Variants in SCUBE1 observed in about 807,000 individuals in gnomAD.
SCUBE1 encodes signal peptide, CUB and EGF-like domain-containing protein 1.
SCUBE1 carries 59 observed loss-of-function variants against 124.4 expected under a neutral mutation model. The observed-to-expected ratio is 0.47, with a 90% CI of 0.38 to 0.59. The LOEUF (loss-of-function observed/expected upper bound fraction) is 0.59, where lower values mean the gene tolerates loss of function less well. Ranked by LOEUF, SCUBE1 falls within the 20% of genes least tolerant of loss-of-function variation. SCUBE1 has a pLI of 0.00. For synonymous variants in SCUBE1, 545 were observed against 550.9 expected, an observed-to-expected ratio of 0.99 and a Z score of 0.15; for missense variants, 1,150 against 1,371.2, an observed-to-expected ratio of 0.84 and a Z score of 2.55.
rs550910568 is a variant in SCUBE1, at chr22:43,255,826, T to C, written c.727+2393A>G. 1.3e-5 allele frequency among the ~76,000 whole-genome samples: 2 copies of C among 152,044 alleles called. No homozygotes were observed. The highest frequency in any genetic ancestry group is 2.9e-5 in the Non-Finnish European group (2 of 68,010). ...AAGGAGGAATGACCACAAAGTGACC[T>C]GGGACACAGAGGGGACTCAGGGCCC... On this transcript the variant is annotated intron_variant, in intron 6 of 21. Transcript: ENST00000360835. The surrounding 1 kb of genome is among the most constrained non-coding windows in gnomAD (Gnocchi z 4.7).
intron 6 of SCUBE1, among the ~76,000 whole-genome samples, chr22:43,248,538 GCTGGGGGCCC>G (rs1053149145): frequency 2.0e-5 from 3 of 152,228 alleles, no homozygotes; most frequent in African/African-American, 7.2e-5. Flanking sequence ...ACTCAACCTG[GCTGGGGGCCC>G]CAGCTGACCA....
At chr22:43,312,862 G>A (rs1475520688) in intron 3 of SCUBE1, among the ~76,000 whole-genome samples, 1 of 152,022 alleles carries the variant, frequency 6.6e-6, no homozygotes, top group African/African-American at 2.4e-5. Context: ...CCTACGACAA[G>A]GAGGCCCTGG....
chr22:43,286,003 G>A (rs1253563639), intron 4 of SCUBE1, among the ~76,000 whole-genome samples: 16 of 152,166 alleles, frequency 1.1e-4, no homozygotes, highest in Admixed American at 1.0e-3. Context: ...GAATGAACAG[G>A]CTCCTGTGCA....
chr22:43,259,451 G>T (rs1923790138), intron 5 of SCUBE1, among the ~76,000 whole-genome samples: 2 of 152,224 alleles, frequency 1.3e-5, no homozygotes, highest in African/African-American at 2.4e-5. Flanking sequence ...CTGAGAATTT[G>T]AATGAATTAC....
At chr22:43,235,986 A>AC (rs1374708871) in intron 7 of SCUBE1, among the ~76,000 whole-genome samples, 1 of 150,966 alleles carries the variant, frequency 6.6e-6, no homozygotes, top group African/African-American at 2.4e-5. Flanking sequence ...TGCCCACGTG[A>AC]CCCCCACCTG....
intron 13 of SCUBE1, 83 bp downstream of exon 13, chr22:43,221,089 TG>T: frequency 1.0e-6 from 1 of 995,374 alleles, no homozygotes; most frequent in Non-Finnish European, 1.5e-6. Context: ...CCAGACTCGC[TG>T]GACCCTGGGG....
chr22:43,216,028 T>C (rs1921795898), intron 15 of SCUBE1, among the ~76,000 whole-genome samples: 2 of 152,104 alleles, frequency 1.3e-5, no homozygotes, highest in African/African-American at 4.8e-5. Flanking sequence ...TCTGAAACTT[T>C]GAAATAATTT....
intron 3 of SCUBE1, among the ~76,000 whole-genome samples, chr22:43,301,146 T>C (rs1925755450): frequency 1.3e-5 from 2 of 152,326 alleles, no homozygotes; most frequent in South Asian, 4.1e-4. Flanking sequence ...GTCCTTTCAA[T>C]TCTGCCTGTG....
At chr22:43,294,444 C>G in intron 3 of SCUBE1, among the ~76,000 whole-genome samples, 1 of 152,320 alleles carries the variant, frequency 6.6e-6, no homozygotes, top group African/African-American at 2.4e-5. Context: ...CCTGGCCAGG[C>G]CTGGCAGGGC....
At chr22:43,303,886 T>A (rs1334349287) in intron 3 of SCUBE1, among the ~76,000 whole-genome samples, 1 of 152,232 alleles carries the variant, frequency 6.6e-6, no homozygotes, top group Non-Finnish European at 1.5e-5. Flanking sequence ...TGTAATGAGT[T>A]GATCTGTGCA....
chr22:43,245,058 C>T (rs1028986470), intron 6 of SCUBE1, among the ~76,000 whole-genome samples: 18 of 152,254 alleles, frequency 1.2e-4, no homozygotes, highest in Admixed American at 8.5e-4. Context: ...GCTCCCATCG[C>T]TTTGGGATAA....
At chr22:43,273,796 C>A (rs560649463) in intron 4 of SCUBE1, among the ~76,000 whole-genome samples, 6 of 152,008 alleles carry the variant, frequency 3.9e-5, no homozygotes, top group African/African-American at 1.4e-4. Flanking sequence ...TGGTTTCGAA[C>A]TCCTGGGCTC....
intron 10 of SCUBE1, among the ~76,000 whole-genome samples, chr22:43,225,868 C>T (rs949301108): frequency 5.9e-5 from 9 of 152,038 alleles, no homozygotes; most frequent in African/African-American, 2.2e-4. Flanking sequence ...GTACCATATC[C>T]TTCCTATGCT....
intron 4 of SCUBE1, among the ~76,000 whole-genome samples, chr22:43,269,038 C>T (rs115734828): frequency 2.0e-5 from 3 of 152,118 alleles, no homozygotes; most frequent in East Asian, 3.9e-4. Flanking sequence ...TGAACTTGGG[C>T]CCCGGCTATA....
intron 3 of SCUBE1, among the ~76,000 whole-genome samples, chr22:43,291,996 C>A (rs559175283): frequency 2.0e-5 from 3 of 152,116 alleles, no homozygotes; most frequent in Non-Finnish European, 4.4e-5. Context: ...CCAGACCCCC[C>A]ACTCTAGGAA....
At chr22:43,209,926 C>T in intron 19 of SCUBE1, 117 bp downstream of exon 19, 2 of 1,129,902 alleles carry the variant, frequency 1.8e-6, no homozygotes, top group South Asian at 1.6e-5. Flanking sequence ...GTCCTCTGAG[C>T]CCCAGGGCCC....
intron 3 of SCUBE1, among the ~76,000 whole-genome samples, chr22:43,297,004 A>G (rs1925586742): frequency 6.6e-6 from 1 of 152,200 alleles, no homozygotes; most frequent in Non-Finnish European, 1.5e-5. Context: ...GGGAGAAGGG[A>G]AGGACAGGAG....
Position 43,211,738 on chromosome 22 carries a change from G to A in SCUBE1, c.2222-655C>T, listed in dbSNP as rs1221789502. 6.6e-6 allele frequency among the ~76,000 whole-genome samples: 1 copy of A among 152,108 alleles called. No individual in the cohort carries two copies. Among genetic ancestry groups the A allele is most frequent in the African/African-American group, 2.4e-5 (1 of 41,386 alleles). On this transcript the variant is annotated intron_variant, in intron 17 of 21. Transcript: ENST00000360835. This position sits in a 1 kb window ranked among gnomAD's most constrained non-coding sequence, Gnocchi z 4.5. ...AGGGTTTTGCCATGCTAGCCGGGCT[G>A]GCCTCAAACTTCTGACCTCAGGTGA... is the stretch of plus-strand genomic sequence containing the variant.
At chr22:43,217,112 ACCCCCCATCCG>A (rs1921862144) in intron 15 of SCUBE1, among the ~76,000 whole-genome samples, 1 of 7,078 alleles carries the variant, frequency 1.4e-4, no homozygotes. Context: ...CCCAACCCCC[ACCCCCCATCCG>A]CCAGGTGTCA....
Sources: gnomAD v4.1 joint callset for allele counts (sites outside exome capture counted in the v4.1 genomes callset) on GRCh38, gnomAD v4.1.1 for gene constraint, Gnocchi (gnomAD v3.1) non-coding constraint, MANE v1.5 for transcripts, NCBI Gene and HGNC (gene_info 2026-07-23, HGNC 2026-07-21) for gene names.